TLK2: variants seen among roughly 807,000 people sequenced by gnomAD.
The protein encoded by TLK2 is tousled like kinase 2, also known as serine/threonine-protein kinase tousled-like 2.
TLK2 carries 6 observed loss-of-function variants against 117.3 expected under a neutral mutation model. The observed-to-expected ratio is 0.05, with a 90% CI of 0.03 to 0.10. The LOEUF (loss-of-function observed/expected upper bound fraction) is 0.10. Among genes scored for constraint, TLK2 ranks in the 10% least tolerant of loss-of-function variants. The pLI is 1.00. For missense variants in TLK2, 299 were observed against 901.2 expected (o/e 0.33, Z 8.56); for synonymous variants, 257 against 316.7 (o/e 0.81, Z 2.00).
chr17:62,507,947 TGACTC>T (rs1394283435), intron 2 of TLK2, among the ~76,000 whole-genome samples: 1 of 152,070 alleles, frequency 6.6e-6, no homozygotes, highest in Non-Finnish European at 1.5e-5. Context: ...ACAAGAAACT[TGACTC>T]TTGTTCATCT....
chr17:62,518,039 TAGTTCTTTTTCA>T (rs899167044), intron 2 of TLK2, among the ~76,000 whole-genome samples: 1 of 152,158 alleles, frequency 6.6e-6, no homozygotes, highest in African/African-American at 2.4e-5. Context: ...ACCTCCAACT[TAGTTCTTTTTCA>T]AGATTGTTTT....
At chr17:62,527,452 C>T (rs1014239236) in intron 6 of TLK2, among the ~76,000 whole-genome samples, 1 of 151,752 alleles carries the variant, frequency 6.6e-6, no homozygotes, top group Non-Finnish European at 1.5e-5. Context: ...GCAGAAGTCC[C>T]CCTGAGTTCC....
chr17:62,487,088 T>TC (rs2072483225), intron 2 of TLK2, among the ~76,000 whole-genome samples: 1 of 152,018 alleles, frequency 6.6e-6, no homozygotes, highest in Non-Finnish European at 1.5e-5. Context: ...GGTCAGGAGA[T>TC]CGAGACCGTC....
At chr17:62,538,044 T>TG (rs2077237804) in intron 7 of TLK2, among the ~76,000 whole-genome samples, 1 of 145,624 alleles carries the variant, frequency 6.9e-6, no homozygotes, top group Admixed American at 6.9e-5. Context: ...TTTTTTTTTT[T>TG]TTTTTTTTTG....
chr17:62,567,075 A>G (rs1454912363), intron 11 of TLK2, among the ~76,000 whole-genome samples: 5 of 152,064 alleles, frequency 3.3e-5, no homozygotes, highest in Admixed American at 6.6e-5. Flanking sequence ...AAAATATACA[A>G]AAATTAGCTG....
intron 12 of TLK2, 46 bp downstream of exon 12, chr17:62,573,413 C>A: frequency 1.3e-6 from 2 of 1,594,046 alleles, no homozygotes; most frequent in East Asian, 2.3e-5. Context: ...CACCCTGCCC[C>A]CAAATACAAA....
intron 11 of TLK2, among the ~76,000 whole-genome samples, chr17:62,568,694 C>T (rs142778900): frequency 5.9e-5 from 9 of 151,832 alleles, no homozygotes; most frequent in Non-Finnish European, 2.9e-5. Flanking sequence ...AAGTGATTCT[C>T]CTGCCTCAGC....
chr17:62,476,800 G>C (rs543098395), upstream of TLK2, among the ~76,000 whole-genome samples: 9 of 151,978 alleles, frequency 5.9e-5, no homozygotes, highest in African/African-American at 1.9e-4. Context: ...AGTGTCATTT[G>C]GTCGAGTGCG....
intron 16 of TLK2, among the ~76,000 whole-genome samples, chr17:62,592,896 C>T (rs1364328746): frequency 6.6e-6 from 1 of 152,158 alleles, no homozygotes; most frequent in Non-Finnish European, 1.5e-5. Flanking sequence ...ATTAGGTTCT[C>T]ATAAGGAGCA....
At chr17:62,522,783 T>C (rs1250994401) in intron 4 of TLK2, among the ~76,000 whole-genome samples, 3 of 152,172 alleles carry the variant, frequency 2.0e-5, no homozygotes, top group Non-Finnish European at 2.9e-5. Flanking sequence ...TGGCTTTTTT[T>C]CCTCCCATTC....
chr17:62,498,385 C>CA (rs1438748364), intron 2 of TLK2, among the ~76,000 whole-genome samples: 2 of 123,104 alleles, frequency 1.6e-5, no homozygotes, highest in Non-Finnish European at 3.5e-5. Flanking sequence ...TCGTAGAAAG[C>CA]CCCCCTTTTT....
intron 11 of TLK2, among the ~76,000 whole-genome samples, chr17:62,567,301 C>T (rs1371859083): frequency 1.3e-5 from 2 of 152,178 alleles, no homozygotes; most frequent in Non-Finnish European, 2.9e-5. Flanking sequence ...TTATCTCTTA[C>T]TCTAAAAGCA....
intron 2 of TLK2, among the ~76,000 whole-genome samples, chr17:62,512,413 G>A (rs1364683967): frequency 6.6e-6 from 1 of 151,578 alleles, no homozygotes; most frequent in African/African-American, 2.4e-5. Context: ...AGTAGAGACG[G>A]GGTTTCTCCA....
At chr17:62,583,382 A>G (rs1187325291) in intron 15 of TLK2, among the ~76,000 whole-genome samples, 1 of 152,098 alleles carries the variant, frequency 6.6e-6, no homozygotes, top group Non-Finnish European at 1.5e-5. Context: ...GGCACAAGCC[A>G]CCGCACCCAG....
rs771504445 is a variant in TLK2, at chr17:62,520,765, T to G, written c.82-8T>G. ...AATTTATTTATTTATGATTTTTTTT[T>G]CTTTCAGGGACCACTTAATAGTGAG... On this transcript the variant is annotated splice_polypyrimidine_tract_variant and splice_region_variant and intron_variant, in intron 2 of 21. Transcript: ENST00000346027. 5 of 1,610,764 alleles carry G rather than the reference T, an allele frequency of 3.1e-6. No homozygotes were observed. In the South Asian group the frequency reaches 5.5e-5, roughly 18 times the overall value.
intron 6 of TLK2, among the ~76,000 whole-genome samples, chr17:62,526,851 G>T (rs2076396848): frequency 6.6e-6 from 1 of 152,264 alleles, no homozygotes; most frequent in Admixed American, 6.5e-5. Context: ...TAGTCTCCTT[G>T]TTTTTGCCCT....
intron 19 of TLK2, among the ~76,000 whole-genome samples, chr17:62,603,990 ATTT>A (rs2083068393): frequency 6.7e-6 from 1 of 148,616 alleles, no homozygotes; most frequent in Non-Finnish European, 1.5e-5. Flanking sequence ...TTATTTATTT[ATTT>A]ATTTATTTAT....
Position 62,608,163 on chromosome 17 carries a change from AC to A in TLK2, c.2079+18del. The A allele has an allele frequency of 6.2e-7, 1 of 1,604,376 alleles. No individual in the cohort carries two copies. Among genetic ancestry groups the A allele is most frequent in the Non-Finnish European group, 8.5e-7 (1 of 1,175,118 alleles). ...CTGAAGCAAAGGTAAGTTTTGTTTG[AC>A]CCATTGGCCAACAGAAACGGCTGCT... On this transcript the variant is annotated intron_variant, in intron 21 of 21. Coordinates refer to ENST00000346027, the MANE Select transcript of TLK2 (RefSeq NM_006852.6).
At chr17:62,474,977 C>T (rs755195072), upstream of TLK2, among the ~76,000 whole-genome samples, 4 of 152,132 alleles carry the variant, frequency 2.6e-5, no homozygotes, top group Admixed American at 1.3e-4. Context: ...CTGTCTATGG[C>T]GGAGGTTGCA....
Sources: gnomAD v4.1 joint callset for allele counts (sites outside exome capture counted in the v4.1 genomes callset) on GRCh38, gnomAD v4.1.1 for gene constraint, MANE v1.5 for transcripts, NCBI Gene and HGNC (gene_info 2026-07-23, HGNC 2026-07-21) for gene names.